FZD3: variants seen among roughly 807,000 people sequenced by gnomAD.
FZD3 encodes frizzled class receptor 3, also known as frizzled-3.
FZD3 carries 30 observed loss-of-function variants against 60.7 expected under a neutral mutation model. The observed-to-expected ratio is 0.49, with a 90% CI of 0.37 to 0.67. The LOEUF is 0.67. Among genes scored for constraint, FZD3 ranks in the 30% least tolerant of loss-of-function variants. The probability of loss-of-function intolerance (pLI) is 0.00; values close to 1 mark genes in which losing one functional copy is unlikely to be tolerated. For synonymous variants in FZD3, 246 were observed against 275.2 expected, an observed-to-expected ratio of 0.89 and a Z score of 1.05; for missense variants, 605 against 838.7, an observed-to-expected ratio of 0.72 and a Z score of 3.44.
chr8:28,520,397 T>G (rs144262959), intron 3 of FZD3, among the ~76,000 whole-genome samples: 6 of 152,200 alleles, frequency 3.9e-5, no homozygotes, highest in Non-Finnish European at 7.4e-5. Context: ...TTCATCAATA[T>G]CACCTGTAAT....
At chr8:28,524,078 C>T (rs1005956483) in intron 4 of FZD3, among the ~76,000 whole-genome samples, 2 of 152,042 alleles carry the variant, frequency 1.3e-5, no homozygotes, top group African/African-American at 4.8e-5. Flanking sequence ...AGAAATAAAT[C>T]CCTGGTTTTT....
chr8:28,544,853 T>C (rs1036024466), intron 5 of FZD3, among the ~76,000 whole-genome samples: 16 of 152,180 alleles, frequency 1.1e-4, no homozygotes, highest in Non-Finnish European at 2.2e-4. Context: ...CTTACAGTTA[T>C]GGAGGCTAAG....
intron 7 of FZD3, among the ~76,000 whole-genome samples, chr8:28,560,022 A>G (rs1331977090): frequency 6.6e-6 from 1 of 152,220 alleles, no homozygotes; most frequent in Admixed American, 6.5e-5. Flanking sequence ...GAAGTGGATA[A>G]GTAGGTAGGT....
intron 1 of FZD3, among the ~76,000 whole-genome samples, chr8:28,497,329 A>G (rs565209274): frequency 4.6e-5 from 7 of 152,358 alleles, no homozygotes; most frequent in African/African-American, 1.2e-4. Context: ...ATGAAGCTAT[A>G]TAAACTTTCT....
At position 28,563,608 on chromosome 8, in the gene FZD3, C is replaced by T. The variant is rs1290773432; in HGVS notation, c.*597C>T. The stretch of plus-strand genomic sequence containing the variant: ...ATGAAAGGTTCTCTTAAAATTCTAT[C>T]GAAATAATCTTCATGCAGAGATATT... On this transcript the variant is annotated 3_prime_UTR_variant, in exon 8 of 8. Coordinates refer to ENST00000240093, the MANE Select transcript of FZD3 (RefSeq NM_017412.4). The T allele has an allele frequency of 6.6e-6, 1 of 152,464 alleles. No individual in the cohort carries two copies. The highest frequency in any genetic ancestry group is 1.5e-5 in the Non-Finnish European group (1 of 68,264). The allele number at this position is 152,464 out of a possible 1,614,324, so 9.4% of individuals were successfully genotyped here. A position where few individuals can be genotyped will look rare whatever the true frequency, so the allele number is the denominator to read the frequency against.
rs1268588664 is a variant in FZD3 at position 28,568,573 on chromosome 8, G to A, written c.*5562G>A. 1 of 152,002 alleles carries A rather than the reference G, an allele frequency of 6.6e-6. No homozygotes were observed. Among genetic ancestry groups the A allele is most frequent in the African/African-American group, 2.4e-5 (1 of 41,380 alleles). The allele number at this position is 152,002 out of a possible 1,614,324, so 9.4% of individuals were successfully genotyped here. A position where few individuals can be genotyped will look rare whatever the true frequency, so the allele number is the denominator to read the frequency against. On this transcript the variant is annotated 3_prime_UTR_variant, in exon 8 of 8. Transcript: ENST00000240093. ...AAATGTTGAAGTCTACCCAGAACCA[G>A]CCATCCTTGTAGACATTTCTATTTG...
rs1805654467 is a variant in FZD3 at position 28,563,578 on chromosome 8, A to G, written c.*567A>G. 1.3e-5 allele frequency: 2 copies of G among 153,398 alleles called. No individual in the cohort carries two copies. The highest frequency in any genetic ancestry group is 1.3e-4 in the Admixed American group (2 of 15,452). The allele number at this position is 153,398 out of a possible 1,614,324, so 9.5% of individuals were successfully genotyped here. A position where few individuals can be genotyped will look rare whatever the true frequency, so the allele number is the denominator to read the frequency against. On this transcript the variant is annotated 3_prime_UTR_variant, in exon 8 of 8. Transcript: ENST00000240093. ...AAAAGTGCAACAGAAGAATTTGATT[A>G]GTCTATGAAAGGTTCTCTTAAAATT...
At chr8:28,516,436 A>G (rs1225139063) in intron 3 of FZD3, among the ~76,000 whole-genome samples, 2 of 152,198 alleles carry the variant, frequency 1.3e-5, no homozygotes, top group Admixed American at 1.3e-4. Flanking sequence ...GCAACAACAG[A>G]AGGCCGTTGG....
At chr8:28,548,333 A>G (rs1441401445) in intron 5 of FZD3, among the ~76,000 whole-genome samples, 1 of 151,386 alleles carries the variant, frequency 6.6e-6, no homozygotes, top group Non-Finnish European at 1.5e-5. Flanking sequence ...TTACTTTGAG[A>G]TGAGGTCTTG....
At chr8:28,495,111 T>TCA (rs1803808841) in intron 1 of FZD3, among the ~76,000 whole-genome samples, 1 of 152,238 alleles carries the variant, frequency 6.6e-6, no homozygotes, top group African/African-American at 2.4e-5. Flanking sequence ...TCAAGACATG[T>TCA]AAACATCTTC....
At chr8:28,540,097 G>A (rs961643626) in intron 5 of FZD3, among the ~76,000 whole-genome samples, 2 of 152,138 alleles carry the variant, frequency 1.3e-5, no homozygotes, top group East Asian at 1.9e-4. Flanking sequence ...GATAGTGAAT[G>A]TAGGCTATTT....
chr8:28,495,933 C>T (rs1230216370), intron 1 of FZD3, among the ~76,000 whole-genome samples: 1 of 152,028 alleles, frequency 6.6e-6, no homozygotes, highest in South Asian at 2.1e-4. Flanking sequence ...TTCCTCCTAC[C>T]CCTTTTCCCT....
rs548600132 is a variant in FZD3, at chr8:28,533,229, G to A, written c.1404+5065G>A. Among the ~76,000 whole-genome samples the A allele has an allele frequency of 5.1e-4, 77 of 151,564 alleles. 2 individuals carry two copies. The South Asian group carries it at 0.013, about 25-fold the overall frequency. On this transcript the variant is annotated intron_variant, in intron 5 of 7. Transcript: ENST00000240093. Reference sequence around the variant, plus strand: ...TTTTTTTTTTCTTTTAGTAGAGATGGGGTCTTGTTAGCTGTCCAGGCAGGT... The same window carrying A: ...TTTTTTTTTTCTTTTAGTAGAGATGAGGTCTTGTTAGCTGTCCAGGCAGGT...
chr8:28,526,227 C>T (rs6998321), intron 4 of FZD3, among the ~76,000 whole-genome samples: 67,483 of 151,934 alleles, frequency 0.44, 17,172 homozygotes, highest in East Asian at 0.54. Context: ...ATTTCTGCAA[C>T]GTGCTTACCT....
At chr8:28,517,235 T>G (rs377230912) in intron 3 of FZD3, among the ~76,000 whole-genome samples, 3 of 152,352 alleles carry the variant, frequency 2.0e-5, no homozygotes, top group South Asian at 2.1e-4. Context: ...TAGTTTGCAG[T>G]TATTTTCACT....
intron 3 of FZD3, among the ~76,000 whole-genome samples, chr8:28,518,098 GTGATCATAGCTCACTGCAGCTT>G (rs1439508030): frequency 3.3e-5 from 5 of 152,080 alleles, no homozygotes; most frequent in Non-Finnish European, 7.4e-5. Flanking sequence ...ATGTAGTGAT[GTGATCATAGCTCACTGCAGCTT>G]TGATCATAGC....
At chr8:28,522,509 C>G (rs1402089765) in intron 4 of FZD3, among the ~76,000 whole-genome samples, 1 of 152,138 alleles carries the variant, frequency 6.6e-6, no homozygotes, top group Non-Finnish European at 1.5e-5. Context: ...GGAAGTGTTT[C>G]CAGTCTCTCT....
chr8:28,504,083 G>A (rs1804072629), intron 3 of FZD3, among the ~76,000 whole-genome samples: 1 of 152,136 alleles, frequency 6.6e-6, no homozygotes, highest in Non-Finnish European at 1.5e-5. Context: ...TTCAGCAAAT[G>A]GAAGCCTACA....
At chr8:28,540,387 A>C (rs1805133509) in intron 5 of FZD3, among the ~76,000 whole-genome samples, 2 of 151,868 alleles carry the variant, frequency 1.3e-5, no homozygotes, top group African/African-American at 4.8e-5. Context: ...CCACCACCAC[A>C]CCAGGCTAAT....
Sources: allele counts gnomAD v4.1 joint callset (sites outside exome capture counted in the v4.1 genomes callset), GRCh38; gene constraint gnomAD v4.1.1; transcripts MANE v1.5; gene names NCBI Gene and HGNC (gene_info 2026-07-23, HGNC 2026-07-21).